Variants in PCM1 observed in about 807,000 individuals in gnomAD.
The protein encoded by PCM1 is pericentriolar material 1.
In PCM1, 157 loss-of-function variants were observed where a neutral mutation model predicts 241.9. That is an observed-to-expected ratio of 0.65 (90% CI 0.57 to 0.74). The LOEUF is 0.74. Among genes scored for constraint, PCM1 ranks in the 30% least tolerant of loss-of-function variants. The pLI, the probability that PCM1 is intolerant of heterozygous loss-of-function variation, is 0.00. For synonymous variants in PCM1, 1,085 were observed against 784.9 expected (o/e 1.38, Z -6.39); for missense variants, 3,478 against 2,360.1 (o/e 1.47, Z -9.81).
chr8:17,962,902 CAAAA>C, intron 16 of PCM1, 195 bp from the exon 17 acceptor site: 7 of 347,632 alleles, frequency 2.0e-5, no homozygotes, highest in East Asian at 5.5e-5. Context: ...GACTCTGTCT[CAAAA>C]AAAAAAAAAA....
In PCM1 at chr8:17,953,066, C is replaced by T. The variant is rs143820219; in HGVS notation, c.1168C>T (p.Pro390Ser). ...GAAACCATCAGCTTCAGAACGTTTACCTGATGAGAAAGTCGAACTTTTTAG... is the reference window on the plus strand; with the variant it reads ...GAAACCATCAGCTTCAGAACGTTTATCTGATGAGAAAGTCGAACTTTTTAG... Reference protein sequence around the residue: ...SRKPSASERLPDEKVELFSKM... With the variant: ...SRKPSASERLSDEKVELFSKM... Residue 390 changes from proline (P) to serine (S), a missense_variant, in exon 9 of 39, where the codon CCT becomes TCT. Pro to Ser is a moderately conservative substitution (Grantham distance 74, BLOSUM62 -1). Transcript: ENST00000325083. The T allele has an allele frequency of 8.1e-6, 13 of 1,605,844 alleles. No individual in the cohort carries two copies. Among genetic ancestry groups the T allele is most frequent in the African/African-American group, 1.3e-5 (1 of 74,820 alleles).
At chr8:18,021,218 T>C (rs208024) in intron 36 of PCM1, among the ~76,000 whole-genome samples, 46,362 of 152,042 alleles carry the variant, frequency 0.3, 9,058 homozygotes, top group African/African-American at 0.55. Context: ...TCCTGAGTCC[T>C]TCAAACTGTC....
At chr8:18,011,640 C>T (rs1190924559) in intron 33 of PCM1, 27 bp from the exon 34 acceptor site, 6 of 1,572,996 alleles carry the variant, frequency 3.8e-6, no homozygotes, top group South Asian at 1.2e-5. Context: ...CTGAAATTTA[C>T]TAAAAATTGT....
intron 6 of PCM1, among the ~76,000 whole-genome samples, chr8:17,941,639 T>C (rs1200035155): frequency 6.6e-6 from 1 of 152,090 alleles, no homozygotes; most frequent in Non-Finnish European, 1.5e-5. Flanking sequence ...CTACACTATT[T>C]AATAAAGGAG....
At chr8:17,991,469 T>C (rs2084607759) in intron 27 of PCM1, 73 bp from the exon 28 acceptor site, 1 of 1,281,740 alleles carries the variant, frequency 7.8e-7, no homozygotes, top group East Asian at 2.5e-5. Flanking sequence ...CATTTTTTTA[T>C]TAATGCATTT....
At chr8:17,977,937 C>T (rs1381872824) in intron 23 of PCM1, among the ~76,000 whole-genome samples, 1 of 152,036 alleles carries the variant, frequency 6.6e-6, no homozygotes, top group Non-Finnish European at 1.5e-5. Context: ...TATAACAGTG[C>T]ATATAAAAGG....
intron 2 of PCM1, among the ~76,000 whole-genome samples, chr8:17,932,097 A>G (rs1035280713): frequency 3.9e-5 from 6 of 152,106 alleles, no homozygotes; most frequent in Non-Finnish European, 5.9e-5. Flanking sequence ...GACAGGTTAT[A>G]TTGTCCAGGC....
chr8:17,990,038 G>T (rs2083983149), intron 27 of PCM1, 59 bp downstream of exon 27: 2 of 1,371,780 alleles, frequency 1.5e-6, no homozygotes. Context: ...TCCAGTCTTT[G>T]AATTGGCGTT....
rs1290689649 is a variant in PCM1, at chr8:17,991,044, G to GT, written c.4532-497dup. On this transcript the variant is annotated intron_variant, in intron 27 of 38. Transcript: ENST00000325083. Reference sequence around the variant, plus strand: ...CCTACGTATTTTCTTTCATTTACTGGTATTTTTTTTTTTTTCTTACAAACC... The same window carrying GT: ...CCTACGTATTTTCTTTCATTTACTGGTTATTTTTTTTTTTTTCTTACAAACC... Among the ~76,000 whole-genome samples, 170 of 145,160 alleles carry GT rather than the reference G, an allele frequency of 1.2e-3. 4 individuals are homozygous for GT. The East Asian group carries it at 0.033, about 28-fold the overall frequency.
At chr8:18,023,995 G>GTT (rs2093967602) in intron 36 of PCM1, among the ~76,000 whole-genome samples, 2 of 152,186 alleles carry the variant, frequency 1.3e-5, no homozygotes, top group African/African-American at 4.8e-5. Context: ...GGGGGGAATT[G>GTT]TTAAAGCAAA....
At chr8:17,955,411 GTGTT>G in intron 9 of PCM1, 55 bp from the exon 10 acceptor site, 2 of 1,178,922 alleles carry the variant, frequency 1.7e-6, no homozygotes, top group South Asian at 1.7e-5. Context: ...CCAACTGTAT[GTGTT>G]TGTTTATGGT....
At position 17,963,024 on chromosome 8, in the gene PCM1, A is replaced by G. The variant is rs566749280; in HGVS notation, c.2464-77A>G. 47 of 984,630 alleles carry G rather than the reference A, an allele frequency of 4.8e-5. No individual in the cohort carries two copies. In the South Asian group the frequency reaches 5.6e-4, roughly 12 times the overall value. 61.0% of individuals were successfully genotyped at this position (984,630 alleles called of 1,614,324 possible). On this transcript the variant is annotated intron_variant, in intron 16 of 38. Transcript: ENST00000325083. ...ATAGAAACCTTTGTTGATACTGACA[A>G]TACTAGTAGTCTTTTACTCTTTTAG...
At chr8:17,934,494 C>G (rs1206684199) in intron 2 of PCM1, among the ~76,000 whole-genome samples, 3 of 152,104 alleles carry the variant, frequency 2.0e-5, no homozygotes, top group Non-Finnish European at 4.4e-5. Flanking sequence ...CTCCTGACCT[C>G]AAGTGATCCG....
At chr8:17,955,793 G>T in intron 10 of PCM1, 140 bp downstream of exon 10, 1 of 693,868 alleles carries the variant, frequency 1.4e-6, no homozygotes, top group Non-Finnish European at 2.5e-6. Flanking sequence ...TAGAAGAGGC[G>T]TGTGTGTGTT....
At chr8:17,993,321 CTTTAT>C (rs1406636629) in intron 28 of PCM1, among the ~76,000 whole-genome samples, 157 bp from the exon 29 acceptor site, 1 of 151,972 alleles carries the variant, frequency 6.6e-6, no homozygotes, top group Non-Finnish European at 1.5e-5. Flanking sequence ...TTTATTACTA[CTTTAT>C]TTTAATTGAT....
chr8:17,938,182 C>T (rs2060980483), intron 4 of PCM1, among the ~76,000 whole-genome samples: 2 of 152,032 alleles, frequency 1.3e-5, no homozygotes, highest in Non-Finnish European at 2.9e-5. Context: ...CTCCAAAATC[C>T]AAAACTTTTT....
At chr8:17,940,224 G>C in intron 6 of PCM1, 1 of 848,474 alleles carries the variant, frequency 1.2e-6, no homozygotes, top group Non-Finnish European at 1.9e-6. Context: ...CAGTTTTCAA[G>C]ATGTTATTTT....
At chr8:17,979,951 T>C (rs1289027636) in intron 23 of PCM1, among the ~76,000 whole-genome samples, 1 of 151,916 alleles carries the variant, frequency 6.6e-6, no homozygotes, top group East Asian at 1.9e-4. Flanking sequence ...GTTGAACACA[T>C]AAATGTCCAA....
chr8:18,029,071 A>G lies in PCM1; in HGVS notation c.*1409A>G, dbSNP rs541431146. 1 of 174,272 alleles carries G rather than the reference A, an allele frequency of 5.7e-6. No individual in the cohort carries two copies. The highest frequency in any genetic ancestry group is 6.5e-5 in the Admixed American group (1 of 15,468). 10.8% of individuals were successfully genotyped at this position (174,272 alleles called of 1,614,324 possible). On this transcript the variant is annotated 3_prime_UTR_variant, in exon 39 of 39. Coordinates refer to ENST00000325083, the MANE Select transcript of PCM1 (RefSeq NM_006197.4). ...GAGGCTAAGGCAGGAGAATAGCCTG[A>G]ACCCGGGAGGTGGAGGTTGCAGGTT...
Sources: allele counts gnomAD v4.1 joint callset (sites outside exome capture counted in the v4.1 genomes callset), GRCh38; gene constraint gnomAD v4.1.1; transcripts MANE v1.5; gene names NCBI Gene and HGNC (gene_info 2026-07-23, HGNC 2026-07-21).